The following PTPN4 variants were observed in gnomAD, a reference collection of about 807,000 sequenced individuals.
The protein encoded by PTPN4 is tyrosine-protein phosphatase non-receptor type 4.
Under a neutral mutation model 135.5 loss-of-function variants are expected in PTPN4, and 49 were observed. The observed-to-expected ratio is 0.36, with a 90% CI of 0.29 to 0.46. The LOEUF (loss-of-function observed/expected upper bound fraction) is 0.46, where lower values mean the gene tolerates loss of function less well. Among genes scored for constraint, PTPN4 ranks in the 20% least tolerant of loss-of-function variants. PTPN4 has a pLI of 1.00. For missense variants in PTPN4, 860 were observed against 1,101.0 expected (o/e 0.78, Z 3.10); for synonymous variants, 333 against 369.9 (o/e 0.90, Z 1.14).
chr2:119,819,040 T>C (rs1677027956), intron 2 of PTPN4, among the ~76,000 whole-genome samples: 1 of 152,198 alleles, frequency 6.6e-6, no homozygotes, highest in Non-Finnish European at 1.5e-5. Flanking sequence ...TTTTTATAGC[T>C]TTTTTCCTTT....
chr2:119,872,880 A>G (rs1022204538), intron 3 of PTPN4, among the ~76,000 whole-genome samples: 2 of 152,246 alleles, frequency 1.3e-5, no homozygotes, highest in African/African-American at 4.8e-5. Context: ...CTCCAAAGTG[A>G]TACTGAAACA....
At chr2:119,964,508 T>C (rs1358351746) in intron 24 of PTPN4, among the ~76,000 whole-genome samples, 1 of 152,230 alleles carries the variant, frequency 6.6e-6, no homozygotes, top group African/African-American at 2.4e-5. Flanking sequence ...ATCTGCATTG[T>C]GTGAGGATTA....
At chr2:119,876,909 G>A (rs1574382826) in intron 3 of PTPN4, among the ~76,000 whole-genome samples, 1 of 149,672 alleles carries the variant, frequency 6.7e-6, no homozygotes, top group Admixed American at 6.6e-5. Flanking sequence ...GTGTGTGTGT[G>A]TGTGTGTGTG....
At chr2:119,826,701 T>G (rs1677151736) in intron 2 of PTPN4, among the ~76,000 whole-genome samples, 1 of 152,186 alleles carries the variant, frequency 6.6e-6, no homozygotes, top group African/African-American at 2.4e-5. Flanking sequence ...AAGGTTAATA[T>G]TCAATAACAT....
At position 119,945,092 on chromosome 2, in the gene PTPN4, C is replaced by G. The variant is rs775342020; in HGVS notation, c.1367C>G (p.Thr456Ser). The G allele has an allele frequency of 6.2e-7, 1 of 1,600,948 alleles. No individual in the cohort carries two copies. Among genetic ancestry groups the G allele is most frequent in the East Asian group, 2.3e-5 (1 of 44,300 alleles). Residue 456 changes from threonine (T) to serine (S), a missense_variant, in exon 16 of 27, where the codon ACC (threonine) becomes AGC (serine). Around this residue, in one of 2 missense-constraint regions of PTPN4, gnomAD observed 684 missense variants for 807.0 expected, o/e 0.85. Transcript: ENST00000263708. ...IVLESSPSQE[T>S]PGDGKPPALP... is the part of the protein sequence containing the mutation. ...GTTTTCTTGTCTAGATCACAAGAGACCCCTGGAGATGGGAAGCCTCCAGCT... is the reference window on the plus strand; with the variant it reads ...GTTTTCTTGTCTAGATCACAAGAGAGCCCTGGAGATGGGAAGCCTCCAGCT...
At chr2:119,958,671 A>G (rs1235421007) in intron 22 of PTPN4, among the ~76,000 whole-genome samples, 1 of 152,222 alleles carries the variant, frequency 6.6e-6, no homozygotes, top group Non-Finnish European at 1.5e-5. Flanking sequence ...TCTAGGGAAA[A>G]TACAGGGTTA....
intron 2 of PTPN4, among the ~76,000 whole-genome samples, chr2:119,853,564 G>A (rs1413753547): frequency 6.6e-6 from 1 of 151,872 alleles, no homozygotes; most frequent in African/African-American, 2.4e-5. Context: ...TCTACTTTTA[G>A]AGACCTTTGC....
intron 1 of PTPN4, among the ~76,000 whole-genome samples, chr2:119,773,263 A>G (rs1690767564): frequency 1.3e-5 from 2 of 152,196 alleles, no homozygotes; most frequent in African/African-American, 2.4e-5. Context: ...GGAAAATGCT[A>G]CAAGTTGAAA....
chr2:119,852,502 TTCAATTC>T (rs1430024016), intron 2 of PTPN4, among the ~76,000 whole-genome samples: 1 of 152,274 alleles, frequency 6.6e-6, no homozygotes, highest in Non-Finnish European at 1.5e-5. Flanking sequence ...TTCTGACAGC[TTCAATTC>T]TGTAAAGGTT....
intron 25 of PTPN4, 119 bp downstream of exon 25, chr2:119,965,764 A>G (rs957605193): frequency 2.0e-5 from 24 of 1,219,532 alleles, no homozygotes; most frequent in Admixed American, 5.1e-5. Flanking sequence ...ACTCAAAGCT[A>G]TGCTCTGAAG....
At chr2:119,769,084 A>G (rs947754405) in intron 1 of PTPN4, among the ~76,000 whole-genome samples, 1 of 152,232 alleles carries the variant, frequency 6.6e-6, no homozygotes, top group Non-Finnish European at 1.5e-5. Flanking sequence ...TGAAGTATAT[A>G]TAAAGTTAGG....
intron 25 of PTPN4, 111 bp downstream of exon 25, chr2:119,965,756 T>C: frequency 1.6e-6 from 2 of 1,284,182 alleles, no homozygotes; most frequent in Non-Finnish European, 2.1e-6. Context: ...TAATTAGAAC[T>C]CAAAGCTATG....
intron 2 of PTPN4, among the ~76,000 whole-genome samples, chr2:119,833,807 A>G (rs1677252813): frequency 6.6e-6 from 1 of 152,076 alleles, no homozygotes; most frequent in Non-Finnish European, 1.5e-5. Flanking sequence ...AGGCAGAAAA[A>G]CTTAACTTGT....
intron 2 of PTPN4, among the ~76,000 whole-genome samples, chr2:119,850,140 G>A (rs1677570166): frequency 6.6e-6 from 1 of 152,208 alleles, no homozygotes; most frequent in African/African-American, 2.4e-5. Context: ...ACCAAATAAA[G>A]TCAGTTTCTT....
At chr2:119,921,601 T>C (rs750992111) in intron 12 of PTPN4, among the ~76,000 whole-genome samples, 1 of 150,684 alleles carries the variant, frequency 6.6e-6, no homozygotes, top group Non-Finnish European at 1.5e-5. Context: ...CCTAAGCAGT[T>C]TGCTGTCACG....
chr2:119,900,209 A>G (rs951041393), intron 9 of PTPN4, among the ~76,000 whole-genome samples: 28 of 152,070 alleles, frequency 1.8e-4, no homozygotes, highest in African/African-American at 6.3e-4. Context: ...GTTCTCTATT[A>G]TATACTCTCA....
chr2:119,936,445 G>T (rs754649520), intron 15 of PTPN4, among the ~76,000 whole-genome samples: 7 of 152,156 alleles, frequency 4.6e-5, no homozygotes, highest in Non-Finnish European at 8.8e-5. Context: ...AATCATGGGG[G>T]TCATTTCTCC....
intron 18 of PTPN4, among the ~76,000 whole-genome samples, chr2:119,948,103 ACAAAGATGGTAGAGATAATC>A (rs1679162885): frequency 6.6e-6 from 1 of 152,172 alleles, no homozygotes; most frequent in African/African-American, 2.4e-5. Flanking sequence ...AAAGATGGGG[ACAAAGATGGTAGAGATAATC>A]CAAAATTATT....
At chr2:119,901,026 T>C (rs756826717) in intron 10 of PTPN4, among the ~76,000 whole-genome samples, 2 of 152,240 alleles carry the variant, frequency 1.3e-5, no homozygotes, top group Non-Finnish European at 2.9e-5. Context: ...TTTTCTTTTA[T>C]GGAATTTTTG....
Sources: gnomAD v4.1 joint callset for allele counts (sites outside exome capture counted in the v4.1 genomes callset) on GRCh38, gnomAD v4.1.1 for gene constraint, gnomAD v4.1.1 regional missense constraint, MANE v1.5 for transcripts, NCBI Gene and HGNC (gene_info 2026-07-23, HGNC 2026-07-21) for gene names.